Variants in CLPTM1 observed in about 807,000 individuals in gnomAD.
CLPTM1 encodes the protein CLPTM1 regulator of GABA type A receptor forward trafficking.
CLPTM1 carries 21 observed loss-of-function variants against 77.3 expected under a neutral mutation model. That is an observed-to-expected ratio of 0.27 (90% confidence interval 0.19 to 0.39). The LOEUF (loss-of-function observed/expected upper bound fraction) is 0.39. CLPTM1 is among the 10% of genes least tolerant of loss of function. CLPTM1 has a pLI of 1.00. For missense variants in CLPTM1, 642 were observed against 921.2 expected (o/e 0.70, Z 3.92); for synonymous variants, 373 against 381.0 (o/e 0.98, Z 0.24).
Position 44,987,222 on chromosome 19 carries a change from C to T in CLPTM1, c.837C>T (p.Ile279=), listed in dbSNP as rs1970993160. 2 of 1,614,094 alleles carry T rather than the reference C, an allele frequency of 1.2e-6. No homozygotes were observed. The highest frequency in any genetic ancestry group is 8.5e-7 in the Non-Finnish European group (1 of 1,180,002). Residue 279 remains isoleucine (I), a synonymous_variant, in exon 8 of 14, where the codon ATC becomes ATT. Coordinates refer to ENST00000337392, the MANE Select transcript of CLPTM1 (RefSeq NM_001294.4). ...DAVSGDYYPI[I]YFNDYWNLQK... Reference sequence around the variant, plus strand: ...TGAGCGGTGACTACTATCCCATCATCTACTTCAATGACTACTGGAACCTGC... The same window carrying T: ...TGAGCGGTGACTACTATCCCATCATTTACTTCAATGACTACTGGAACCTGC...
chr19:44,985,018 C>G (rs1970955660), intron 5 of CLPTM1, among the ~76,000 whole-genome samples, 200 bp from the exon 6 acceptor site: 3 of 152,086 alleles, frequency 2.0e-5, no homozygotes, highest in Admixed American at 2.0e-4. Context: ...TGGTGGCGTC[C>G]CCATGATCAT....
In CLPTM1 at chr19:44,990,188, C is replaced by T. The variant is rs536221870; in HGVS notation, c.1133-207C>T. 8.9e-5 allele frequency: 52 copies of T among 585,868 alleles called. No individual in the cohort carries two copies. The African/African-American group carries it at 9.5e-4, about 11-fold the overall frequency. 36.3% of individuals were successfully genotyped at this position (585,868 alleles called of 1,614,324 possible). On this transcript the variant is annotated intron_variant, in intron 9 of 13. Transcript: ENST00000337392. The surrounding 1 kb of genome is among the most constrained non-coding windows in gnomAD (Gnocchi z 4.8). ...GGTGCTGACGTCCTATGGGAGGGCTCCAGGGGTGCCGCCTGTCTGGTGCTC... is the reference window on the plus strand; with the variant it reads ...GGTGCTGACGTCCTATGGGAGGGCTTCAGGGGTGCCGCCTGTCTGGTGCTC...
At chr19:44,961,739 C>CTCTCTAGGTCACCACTG (rs1186765702) in intron 1 of CLPTM1, among the ~76,000 whole-genome samples, 2 of 152,204 alleles carry the variant, frequency 1.3e-5, no homozygotes, top group African/African-American at 4.8e-5. Flanking sequence ...CAGCAAAAGA[C>CTCTCTAGGTCACCACTG]TCTCTAGGTC....
chr19:44,989,533 G>C (rs930878990), intron 9 of CLPTM1, among the ~76,000 whole-genome samples: 10 of 152,154 alleles, frequency 6.6e-5, no homozygotes, highest in African/African-American at 2.2e-4. Context: ...TGGGTGGGGT[G>C]AGGCTATGGA....
chr19:44,976,886 T>A (rs983434635), intron 4 of CLPTM1, among the ~76,000 whole-genome samples: 19 of 152,178 alleles, frequency 1.2e-4, no homozygotes, highest in Non-Finnish European at 1.8e-4. Context: ...TGACATGTTA[T>A]ATGTGTGTTA....
chr19:44,972,861 C>T (rs1233072280), intron 2 of CLPTM1, among the ~76,000 whole-genome samples: 4 of 151,846 alleles, frequency 2.6e-5, no homozygotes, highest in African/African-American at 7.3e-5. Flanking sequence ...TGCCAGCTAC[C>T]CCCACACACT....
intron 5 of CLPTM1, among the ~76,000 whole-genome samples, chr19:44,979,223 T>A (rs1156825483): frequency 1.3e-5 from 2 of 152,076 alleles, no homozygotes; most frequent in African/African-American, 4.8e-5. Context: ...CAAGTGATCG[T>A]CTGCCTCGGC....
At chr19:44,981,784 G>A (rs555535511) in intron 5 of CLPTM1, among the ~76,000 whole-genome samples, 4 of 151,570 alleles carry the variant, frequency 2.6e-5, no homozygotes, top group Non-Finnish European at 5.9e-5. Flanking sequence ...GGTGGCACAT[G>A]CCTGTAATCC....
chr19:44,961,194 A>T (rs539659937), intron 1 of CLPTM1, among the ~76,000 whole-genome samples: 1 of 152,174 alleles, frequency 6.6e-6, no homozygotes, highest in East Asian at 1.9e-4. Context: ...TGGCCTCAGG[A>T]TTAGTGTGCT....
At chr19:44,962,366 T>A (rs918158754) in intron 2 of CLPTM1, among the ~76,000 whole-genome samples, 2 of 152,146 alleles carry the variant, frequency 1.3e-5, no homozygotes, top group African/African-American at 2.4e-5. Context: ...GGCCCTTGTA[T>A]CAAGTAATAT....
intron 7 of CLPTM1, chr19:44,986,943 G>A (rs1568388945): frequency 2.1e-5 from 12 of 574,594 alleles, no homozygotes; most frequent in Admixed American, 6.8e-5. Flanking sequence ...CAGGGCAGCC[G>A]TGGGCTGGAG....
At chr19:44,984,023 G>A (rs951174901) in intron 5 of CLPTM1, among the ~76,000 whole-genome samples, 3 of 152,244 alleles carry the variant, frequency 2.0e-5, no homozygotes, top group Non-Finnish European at 4.4e-5. Context: ...GCGTGGGCAC[G>A]CACAAGCCCC....
rs372500097 is a variant in CLPTM1 at position 44,978,914 on chromosome 19, A to G, written c.586+1454A>G. 3.3e-5 allele frequency among the ~76,000 whole-genome samples: 5 copies of G among 151,464 alleles called. No homozygotes were observed. In the East Asian group the frequency reaches 7.8e-4, roughly 24 times the overall value. ...TTTGGCCAGGACAAACATTCAAACC[A>G]TAGCATTGTCCGTCCTCTTGTTTTC... On this transcript the variant is annotated intron_variant, in intron 5 of 13. Coordinates refer to ENST00000337392, the MANE Select transcript of CLPTM1 (RefSeq NM_001294.4).
Position 44,973,142 on chromosome 19 carries a change from G to C in CLPTM1, c.241G>C (p.Asp81His). Residue 81 changes from aspartate to histidine, a missense_variant, in exon 3 of 14, where the codon GAC becomes CAC. Asp to His is a moderately conservative substitution (Grantham distance 81, BLOSUM62 -1). Transcript: ENST00000337392. Reference sequence around the variant, plus strand: ...GTTCCGCCGAGGGCCGGCCCCTCAGGACCAGGCGGGCCCCGGAGGAGCTCC... The same window carrying C: ...GTTCCGCCGAGGGCCGGCCCCTCAGCACCAGGCGGGCCCCGGAGGAGCTCC... ...SWFRRGPAPQ[D>H]QAGPGGAPRV... 6.2e-7 allele frequency: 1 copy of C among 1,614,076 alleles called. No individual in the cohort carries two copies. The highest frequency in any genetic ancestry group is 8.5e-7 in the Non-Finnish European group (1 of 1,179,980).
At chr19:44,958,907 T>C (rs574536934) in intron 1 of CLPTM1, among the ~76,000 whole-genome samples, 1 of 152,336 alleles carries the variant, frequency 6.6e-6, no homozygotes, top group African/African-American at 2.4e-5. Context: ...CTAAACAACA[T>C]CCAGTCTTTT....
upstream of CLPTM1, chr19:44,955,071 C>T (rs1216700581): frequency 6.5e-7 from 1 of 1,535,694 alleles, no homozygotes; most frequent in East Asian, 2.4e-5. Context: ...CCGAAAGGCT[C>T]ATATAACCGA....
chr19:44,955,555 C>T (rs1419880327), intron 1 of CLPTM1, 88 bp downstream of exon 1: 3 of 1,123,634 alleles, frequency 2.7e-6, no homozygotes, highest in Non-Finnish European at 3.3e-6. Flanking sequence ...CACGGAATCC[C>T]GTGCACTGGG....
At position 44,955,417 on chromosome 19, in the gene CLPTM1, G is replaced by C. The variant is rs1233778279; in HGVS notation, c.22G>C (p.Asp8His). The C allele has an allele frequency of 5.2e-6, 7 of 1,337,282 alleles. No individual in the cohort carries two copies. The highest frequency in any genetic ancestry group is 6.7e-6 in the Non-Finnish European group (7 of 1,043,944). The allele number at this position is 1,337,282 out of a possible 1,614,324, so 82.8% of individuals were successfully genotyped here. MAAAQEA[D>H]GARSAVVAAG... Reference sequence around the variant, plus strand: ...GAAGATGGCGGCGGCGCAGGAGGCGGACGGGGCCCGCAGCGCCGTGGTGGC... The same window carrying C: ...GAAGATGGCGGCGGCGCAGGAGGCGCACGGGGCCCGCAGCGCCGTGGTGGC... Residue 8 changes from aspartate (D) to histidine (H), a missense_variant, in exon 1 of 14, where the codon GAC (aspartate) becomes CAC (histidine). Around this residue, in one of 2 missense-constraint regions of CLPTM1, gnomAD observed 121 missense variants for 120.8 expected, o/e 1.00. Transcript: ENST00000337392.
intron 1 of CLPTM1, 133 bp downstream of exon 1, chr19:44,955,600 C>T (rs1970450335): frequency 1.1e-6 from 1 of 934,164 alleles, no homozygotes. Flanking sequence ...AATACCCGGC[C>T]CAGGCAGGGC....
Sources: gnomAD v4.1 joint callset for allele counts (sites outside exome capture counted in the v4.1 genomes callset) on GRCh38, gnomAD v4.1.1 for gene constraint, gnomAD v4.1.1 regional missense constraint, Gnocchi (gnomAD v3.1) non-coding constraint, MANE v1.5 for transcripts, NCBI Gene and HGNC (gene_info 2026-07-23, HGNC 2026-07-21) for gene names.